The following FGF12 variants were observed in gnomAD, a reference collection of about 807,000 sequenced individuals.
FGF12 encodes the protein fibroblast growth factor 12B.
A neutral mutation model predicts 23.6 loss-of-function variants in FGF12; 14 were observed. The observed-to-expected ratio is 0.59, with a 90% CI of 0.39 to 0.93. FGF12 has a LOEUF of 0.93. Ranked by LOEUF, FGF12 falls within the 40% of genes least tolerant of loss-of-function variation. FGF12 has a pLI of 0.00. For synonymous variants in FGF12, 62 were observed against 77.3 expected (o/e 0.80, Z 1.04); for missense variants, 175 against 217.8 (o/e 0.80, Z 1.24).
chr3:192,684,405 G>A (rs1044719991), intron 2 of FGF12, among the ~76,000 whole-genome samples: 1 of 152,214 alleles, frequency 6.6e-6, no homozygotes, highest in Admixed American at 6.5e-5. Context: ...TGCCAATCAA[G>A]ACCAACTGAT....
At chr3:192,461,102 T>C (rs1364827581) in intron 2 of FGF12, among the ~76,000 whole-genome samples, 2 of 152,238 alleles carry the variant, frequency 1.3e-5, no homozygotes, top group Non-Finnish European at 2.9e-5. Context: ...ACACATTTTT[T>C]CACAGGCTGA....
chr3:192,193,370 C>T (rs1716902058), intron 4 of FGF12, among the ~76,000 whole-genome samples: 1 of 152,150 alleles, frequency 6.6e-6, no homozygotes, highest in African/African-American at 2.4e-5. Context: ...CCATCACTGT[C>T]TTGGACTCCA....
chr3:192,384,373 A>G (rs1719952898), intron 2 of FGF12, among the ~76,000 whole-genome samples: 1 of 152,214 alleles, frequency 6.6e-6, no homozygotes. Context: ...TAAATTGAAA[A>G]CAGCAAGAAG....
chr3:192,646,809 C>T (rs375546393), intron 2 of FGF12, among the ~76,000 whole-genome samples: 62 of 152,100 alleles, frequency 4.1e-4, no homozygotes, highest in East Asian at 4.1e-3. Context: ...CACAACTCTA[C>T]GAATATACTG....
intron 2 of FGF12, among the ~76,000 whole-genome samples, chr3:192,720,320 G>C (rs1718998798): frequency 6.6e-6 from 1 of 152,232 alleles, no homozygotes; most frequent in Non-Finnish European, 1.5e-5. Flanking sequence ...AAAAAGAAAA[G>C]ATCTGTGAAG....
At chr3:192,358,136 A>G (rs1482445503) in intron 3 of FGF12, among the ~76,000 whole-genome samples, 4 of 152,054 alleles carry the variant, frequency 2.6e-5, no homozygotes, top group African/African-American at 9.7e-5. Flanking sequence ...CAATATTATG[A>G]ATTAAAATTT....
chr3:192,318,714 G>A (rs1716371160), intron 4 of FGF12, among the ~76,000 whole-genome samples: 1 of 151,952 alleles, frequency 6.6e-6, no homozygotes, highest in African/African-American at 2.4e-5. Context: ...AGAGAAAGAT[G>A]TCAATATTCA....
intron 2 of FGF12, among the ~76,000 whole-genome samples, chr3:192,654,356 T>G (rs1043728275): frequency 2.0e-5 from 3 of 152,168 alleles, no homozygotes; most frequent in African/African-American, 7.2e-5. Flanking sequence ...TACTAGAAAT[T>G]TTTGAGAAAT....
intron 4 of FGF12, among the ~76,000 whole-genome samples, chr3:192,231,685 G>C (rs1051245730): frequency 1.3e-5 from 2 of 151,826 alleles, no homozygotes; most frequent in Non-Finnish European, 2.9e-5. Context: ...CAGGAGAATC[G>C]CTTGAACCCA....
intron 4 of FGF12, among the ~76,000 whole-genome samples, chr3:192,203,133 T>TTGTGTGTG (rs57503863): frequency 4.4e-4 from 65 of 148,280 alleles, no homozygotes; most frequent in Middle Eastern, 3.5e-3. Context: ...CATTAAATAT[T>TTGTGTGTG]TGTGTGTGTG....
chr3:192,425,441 G>A (rs534968739), intron 2 of FGF12, among the ~76,000 whole-genome samples: 14 of 152,298 alleles, frequency 9.2e-5, no homozygotes, highest in African/African-American at 3.1e-4. Flanking sequence ...AAACAGACAG[G>A]AAAGGAAAAG....
At chr3:192,403,503 G>C (rs1041639054) in intron 2 of FGF12, among the ~76,000 whole-genome samples, 1 of 149,886 alleles carries the variant, frequency 6.7e-6, no homozygotes, top group African/African-American at 2.4e-5. Flanking sequence ...CAAAATATCA[G>C]TTTAAACCCT....
chr3:192,682,175 G>A (rs1270349289), intron 2 of FGF12, among the ~76,000 whole-genome samples: 1 of 152,080 alleles, frequency 6.6e-6, no homozygotes, highest in Non-Finnish European at 1.5e-5. Context: ...CCCAGCAGTG[G>A]TCTAAAGAAC....
At chr3:192,446,004 T>C (rs999515127) in intron 2 of FGF12, among the ~76,000 whole-genome samples, 3 of 152,188 alleles carry the variant, frequency 2.0e-5, no homozygotes, top group Non-Finnish European at 4.4e-5. Flanking sequence ...AGCCTAGCAA[T>C]TGTGTCATTA....
At chr3:192,454,532 GA>G (rs1301498564) in intron 2 of FGF12, among the ~76,000 whole-genome samples, 6 of 151,192 alleles carry the variant, frequency 4.0e-5, no homozygotes, top group South Asian at 4.2e-4. Flanking sequence ...AGTACAAGGA[GA>G]AAAAAAAATT....
intron 2 of FGF12, among the ~76,000 whole-genome samples, chr3:192,361,597 A>T (rs1718731395): frequency 6.6e-6 from 1 of 152,184 alleles, no homozygotes; most frequent in African/African-American, 2.4e-5. Flanking sequence ...TCCTTCATCC[A>T]TTTATTCAAC....
chr3:192,615,576 T>C (rs1002037907), intron 2 of FGF12, among the ~76,000 whole-genome samples: 1 of 152,072 alleles, frequency 6.6e-6, no homozygotes, highest in Non-Finnish European at 1.5e-5. Flanking sequence ...AAAACATATG[T>C]ATGACATGTC....
chr3:192,594,627 G>A (rs535904783), intron 2 of FGF12, among the ~76,000 whole-genome samples: 3 of 151,752 alleles, frequency 2.0e-5, no homozygotes, highest in South Asian at 2.1e-4. Context: ...ATCAGATAAG[G>A]TCTGATCCTA....
chr3:192,429,864 A>G (rs2108789477), intron 2 of FGF12, among the ~76,000 whole-genome samples: 1 of 152,320 alleles, frequency 6.6e-6, no homozygotes, highest in Middle Eastern at 3.4e-3. Context: ...AAAGGCCCTT[A>G]AGATATTTTT....
Sources: gnomAD v4.1 joint callset for allele counts (sites outside exome capture counted in the v4.1 genomes callset) on GRCh38, gnomAD v4.1.1 for gene constraint, MANE v1.5 for transcripts, NCBI Gene and HGNC (gene_info 2026-07-23, HGNC 2026-07-21) for gene names.